Variants in CLCN5 observed in about 807,000 individuals in gnomAD.
The protein encoded by CLCN5 is H(+)/Cl(-) exchange transporter 5.
CLCN5 carries 17 observed loss-of-function variants against 54.0 expected under a neutral mutation model. The ratio of observed to expected loss-of-function variants is 0.31; its 90% CI spans 0.22 to 0.47. CLCN5 has a LOEUF of 0.47. Ranked by LOEUF, CLCN5 falls within the 20% of genes least tolerant of loss-of-function variation. The pLI, the probability that CLCN5 is intolerant of heterozygous loss-of-function variation, is 1.00. For synonymous variants in CLCN5, 222 were observed against 233.0 expected (o/e 0.95, Z 0.43); for missense variants, 448 against 646.7 (o/e 0.69, Z 3.33).
intron 3 of CLCN5, chrX:50,013,259 C>T (rs781983430): frequency 1.7e-5 from 6 of 361,932 alleles, no homozygotes; most frequent in Non-Finnish European, 3.3e-5. Flanking sequence ...TCTCCCATAC[C>T]CATTGCATAT....
At chrX:50,017,942 G>A (rs1423539604) in intron 3 of CLCN5, among the ~76,000 whole-genome samples, 1 of 111,442 alleles carries the variant, frequency 9.0e-6, no homozygotes, top group African/African-American at 3.3e-5. Flanking sequence ...TTTCAAAATT[G>A]TGTTGGCTAT....
chrX:50,031,002 G>C (rs782145130), intron 3 of CLCN5, among the ~76,000 whole-genome samples: 55 of 111,636 alleles, frequency 4.9e-4, no homozygotes, highest in African/African-American at 1.7e-3. Flanking sequence ...CCTTGTCCTT[G>C]ATCCTCCAGG....
At position 50,098,924 on chromosome X, in the gene CLCN5, C is replaced by A. The variant is rs1380196021; in HGVS notation, c.*6705C>A. 1 of 112,450 alleles carries A rather than the reference C, an allele frequency of 8.9e-6. No homozygotes were observed. Among genetic ancestry groups the A allele is most frequent in the African/African-American group, 3.2e-5 (1 of 30,812 alleles). The allele number at this position is 112,450 out of a possible 1,213,427, so 9.3% of individuals were successfully genotyped here. On this transcript the variant is annotated 3_prime_UTR_variant, in exon 15 of 15. Coordinates refer to ENST00000376091, the MANE Select transcript of CLCN5 (RefSeq NM_001127898.4). ...CTACTAACTAGCCTCGAGATCTTAA[C>A]CGCTCTGTGCCTCAGTGTTCCCATC...
At chrX:50,029,836 A>G in intron 3 of CLCN5, among the ~76,000 whole-genome samples, 1 of 112,192 alleles carries the variant, frequency 8.9e-6, no homozygotes, top group Non-Finnish European at 1.9e-5. Flanking sequence ...GCGATTCCTC[A>G]GGGATCTAGA....
intron 3 of CLCN5, among the ~76,000 whole-genome samples, chrX:50,002,239 C>T (rs926076527): frequency 1.8e-5 from 2 of 110,573 alleles, no homozygotes; most frequent in Non-Finnish European, 3.8e-5. Context: ...ATGCCTATGT[C>T]CAACTATGTA....
chrX:50,075,194 T>A (rs1288663950), intron 6 of CLCN5, among the ~76,000 whole-genome samples: 1 of 111,274 alleles, frequency 9.0e-6, no homozygotes, highest in African/African-American at 3.3e-5. Context: ...TAGATTCAGC[T>A]CCTTTAGCCT....
Position 49,979,795 on chromosome X carries a change from GCTAA to G in CLCN5, c.16+54487_16+54490del, listed in dbSNP as rs781852216. 2.2e-4 allele frequency among the ~76,000 whole-genome samples: 24 copies of G among 110,841 alleles called. No homozygotes were observed. In the South Asian group the frequency reaches 5.8e-3, roughly 27 times the overall value. ...GTACATTATGGAATGGCTAAATCAA[GCTAA>G]CTAACATATGTATCACTTCACATAT... On this transcript the variant is annotated intron_variant, in intron 3 of 14. Coordinates refer to ENST00000376091, the MANE Select transcript of CLCN5 (RefSeq NM_001127898.4).
chrX:50,000,012 C>T (rs1277304196), intron 3 of CLCN5, among the ~76,000 whole-genome samples: 2 of 111,361 alleles, frequency 1.8e-5, no homozygotes, highest in Non-Finnish European at 1.9e-5. Context: ...TCCCCCAGCT[C>T]TCCTGCCCCA....
intron 3 of CLCN5, among the ~76,000 whole-genome samples, chrX:50,011,435 A>G (rs782252974): frequency 3.6e-5 from 4 of 112,353 alleles, no homozygotes; most frequent in Middle Eastern, 4.6e-3. Context: ...GTAGATCTAT[A>G]TGTTCCTTGT....
At chrX:50,008,501 C>T in intron 3 of CLCN5, 1 of 356,052 alleles carries the variant, frequency 2.8e-6, no homozygotes, top group Non-Finnish European at 5.8e-6. Context: ...GGCAAGGATT[C>T]TGAGAGCGAG....
chrX:50,018,325 C>A (rs1478438446), intron 3 of CLCN5, among the ~76,000 whole-genome samples: 3 of 112,208 alleles, frequency 2.7e-5, no homozygotes, highest in Non-Finnish European at 5.6e-5. Context: ...TTATATTCTG[C>A]AACCTTGCTA....
chrX:50,082,219 G>A (rs1326055994), intron 9 of CLCN5, among the ~76,000 whole-genome samples: 1 of 111,502 alleles, frequency 9.0e-6, no homozygotes, highest in African/African-American at 3.3e-5. Flanking sequence ...GCCAGTTTCT[G>A]AGTAATGTAT....
intron 3 of CLCN5, among the ~76,000 whole-genome samples, chrX:49,936,840 T>A (rs1926015403): frequency 1.8e-5 from 2 of 112,333 alleles, no homozygotes; most frequent in Non-Finnish European, 3.7e-5. Context: ...TGCCATCTTT[T>A]TACTATCAAC....
At chrX:49,961,040 A>C (rs1927570669) in intron 3 of CLCN5, among the ~76,000 whole-genome samples, 1 of 111,805 alleles carries the variant, frequency 8.9e-6, no homozygotes, top group Non-Finnish European at 1.9e-5. Flanking sequence ...GTCCCAAGAC[A>C]CGCAAAACAG....
intron 3 of CLCN5, among the ~76,000 whole-genome samples, chrX:49,950,445 C>G (rs781881869): frequency 9.0e-6 from 1 of 111,009 alleles, no homozygotes; most frequent in African/African-American, 3.3e-5. Flanking sequence ...GGTACTAAGC[C>G]CTTCCACATA....
chrX:50,081,815 A>G lies in CLCN5; in HGVS notation c.901A>G (p.Lys301Glu), dbSNP rs782076670. Residue 301 changes from lysine (K) to glutamate (E), a missense_variant, in exon 9 of 15, where the codon AAA becomes GAA. Physicochemically the swap from Lys to Glu is moderately conservative, Grantham distance 56. This residue lies in a region of CLCN5 where 297 missense variants were observed against 470.4 expected (regional missense o/e 0.63). Transcript: ENST00000376091. ...CGNILCHCFN[K>E]YRKNEAKRRE... ...GAACATCCTGTGCCACTGCTTCAAC[A>G]AATACAGGAAGAATGAAGCCAAGCG... 1 of 1,211,210 alleles carries G rather than the reference A, an allele frequency of 8.3e-7. No individual in the cohort carries two copies. The highest frequency in any genetic ancestry group is 1.1e-6 in the Non-Finnish European group (1 of 895,168).
In CLCN5 at chrX:50,095,842, A is replaced by G. The variant is rs1215790981; in HGVS notation, c.*3623A>G. 3.6e-5 allele frequency: 4 copies of G among 112,656 alleles called. No homozygotes were observed. Among genetic ancestry groups the G allele is most frequent in the African/African-American group, 6.5e-5 (2 of 30,989 alleles). The allele number at this position is 112,656 out of a possible 1,213,427, so 9.3% of individuals were successfully genotyped here. A position where few individuals can be genotyped will look rare whatever the true frequency, so the allele number is the denominator to read the frequency against. On this transcript the variant is annotated 3_prime_UTR_variant, in exon 15 of 15. Coordinates refer to ENST00000376091, the MANE Select transcript of CLCN5 (RefSeq NM_001127898.4). Reference sequence around the variant, plus strand: ...ACTGCTATATGTTTTAAGTAGTTCAATCACCTGTTGTGGTTCAGTCTTGAT... The same window carrying G: ...ACTGCTATATGTTTTAAGTAGTTCAGTCACCTGTTGTGGTTCAGTCTTGAT...
chrX:49,940,301 A>G (rs1926260737), intron 3 of CLCN5, among the ~76,000 whole-genome samples: 1 of 112,122 alleles, frequency 8.9e-6, no homozygotes, highest in South Asian at 3.7e-4. Flanking sequence ...GAGACAATGT[A>G]TATAAATATA....
At chrX:49,942,807 C>T (rs6608956) in intron 3 of CLCN5, among the ~76,000 whole-genome samples, 7,904 of 108,851 alleles carry the variant, frequency 0.073, 734 homozygotes, top group African/African-American at 0.26. Flanking sequence ...TCTATCATTG[C>T]TGGACACTTG....
Sources: allele counts gnomAD v4.1 joint callset (sites outside exome capture counted in the v4.1 genomes callset), GRCh38; gene constraint gnomAD v4.1.1; regional missense constraint gnomAD v4.1.1; transcripts MANE v1.5; gene names NCBI Gene and HGNC (gene_info 2026-07-23, HGNC 2026-07-21).